SYN3: variants seen among roughly 807,000 people sequenced by gnomAD.
The protein encoded by SYN3 is synapsin-3.
Under a neutral mutation model 65.8 loss-of-function variants are expected in SYN3, and 35 were observed. The ratio of observed to expected loss-of-function variants is 0.53; its 90% CI spans 0.41 to 0.70. The LOEUF is 0.70. Among genes scored for constraint, SYN3 ranks in the 30% least tolerant of loss-of-function variants. SYN3 has a pLI of 0.00. For synonymous variants in SYN3, 270 were observed against 292.9 expected (o/e 0.92, Z 0.80); for missense variants, 680 against 749.0 (o/e 0.91, Z 1.08).
chr22:32,732,652 A>G (rs1181962439), intron 6 of SYN3, among the ~76,000 whole-genome samples: 4 of 152,216 alleles, frequency 2.6e-5, no homozygotes, highest in African/African-American at 9.6e-5. Flanking sequence ...CAGTGTCTAC[A>G]TATCCTATGA....
chr22:32,758,049 A>G lies in SYN3; in HGVS notation c.711+106866T>C, dbSNP rs1292978808. Among the ~76,000 whole-genome samples, 3 of 152,226 alleles carry G rather than the reference A, an allele frequency of 2.0e-5. No individual in the cohort carries two copies. The East Asian group carries it at 5.8e-4, about 29-fold the overall frequency. ...AAAAAACATGTTTGTGCATTTATAC[A>G]CTTGTACTAAGAAAATATTTTCATT... On this transcript the variant is annotated intron_variant, in intron 6 of 13. Transcript: ENST00000358763.
intron 6 of SYN3, among the ~76,000 whole-genome samples, chr22:32,726,069 T>A (rs1264627658): frequency 2.6e-5 from 4 of 152,182 alleles, no homozygotes; most frequent in African/African-American, 9.6e-5. Context: ...AGGTGTGCCA[T>A]GTGAGGTCTA....
At chr22:32,574,261 C>T (rs929016084) in intron 7 of SYN3, among the ~76,000 whole-genome samples, 1 of 152,008 alleles carries the variant, frequency 6.6e-6, no homozygotes, top group Non-Finnish European at 1.5e-5. Flanking sequence ...AGGAGGATCG[C>T]CTGAGGCCAG....
At chr22:32,713,723 C>T (rs1428655261) in intron 6 of SYN3, among the ~76,000 whole-genome samples, 1 of 151,192 alleles carries the variant, frequency 6.6e-6, no homozygotes, top group Admixed American at 6.6e-5. Context: ...CCCAGCTACT[C>T]GGGAGGCTGA....
intron 6 of SYN3, among the ~76,000 whole-genome samples, chr22:32,819,499 T>G (rs1032151062): frequency 6.6e-6 from 1 of 152,228 alleles, no homozygotes; most frequent in Non-Finnish European, 1.5e-5. Context: ...AAGGTCCCAT[T>G]AATACATATG....
chr22:32,898,884 C>T (rs1041327851), intron 4 of SYN3, among the ~76,000 whole-genome samples: 12 of 152,146 alleles, frequency 7.9e-5, no homozygotes, highest in Non-Finnish European at 1.0e-4. Context: ...GGGTGGATCA[C>T]GAGGTCAGGA....
chr22:32,956,337 G>A (rs2051464624), intron 3 of SYN3, among the ~76,000 whole-genome samples: 1 of 151,802 alleles, frequency 6.6e-6, no homozygotes, highest in Non-Finnish European at 1.5e-5. Flanking sequence ...TGTATTTTTA[G>A]TAGAGACAGT....
chr22:32,542,165 CT>C (rs935177819), intron 7 of SYN3, among the ~76,000 whole-genome samples: 1 of 152,096 alleles, frequency 6.6e-6, no homozygotes, highest in Non-Finnish European at 1.5e-5. Context: ...TGGAAAGCCA[CT>C]GGAAGAGGGA....
At chr22:32,792,080 A>G (rs914590524) in intron 6 of SYN3, among the ~76,000 whole-genome samples, 12 of 152,296 alleles carry the variant, frequency 7.9e-5, no homozygotes, top group African/African-American at 2.9e-4. Context: ...AGAATTTACT[A>G]TGTGCCAGGC....
chr22:32,998,562 G>A (rs1427582615), intron 2 of SYN3, among the ~76,000 whole-genome samples: 1 of 152,034 alleles, frequency 6.6e-6, no homozygotes, highest in Non-Finnish European at 1.5e-5. Flanking sequence ...GGCCACCCAG[G>A]GAGGACCGCA....
chr22:32,704,878 A>G (rs1000277985), intron 6 of SYN3, among the ~76,000 whole-genome samples: 2 of 152,092 alleles, frequency 1.3e-5, no homozygotes, highest in Admixed American at 1.3e-4. Context: ...GTATCTGCTC[A>G]TGTCCTTTGC....
Position 32,896,598 on chromosome 22 carries a change from A to G in SYN3, c.462-27473T>C, listed in dbSNP as rs996809487. On this transcript the variant is annotated intron_variant, in intron 4 of 13. Transcript: ENST00000358763. The stretch of plus-strand genomic sequence containing the variant: ...AATATGTTAGTCAAAGAAAGTAGGC[A>G]TTTTGAGGCTAGCCTCAGAATTTGA... Among the ~76,000 whole-genome samples, 4 of 152,274 alleles carry G rather than the reference A, an allele frequency of 2.6e-5. No individual in the cohort carries two copies. In the South Asian group the frequency reaches 8.3e-4, roughly 32 times the overall value.
chr22:32,774,770 T>C (rs569566197), intron 6 of SYN3, among the ~76,000 whole-genome samples: 49 of 152,290 alleles, frequency 3.2e-4, no homozygotes, highest in African/African-American at 1.2e-3. Context: ...AATTTTGTAC[T>C]TTTAGTAGAG....
chr22:32,581,750 C>CT (rs1395134521), intron 7 of SYN3, among the ~76,000 whole-genome samples: 4 of 145,734 alleles, frequency 2.7e-5, no homozygotes, highest in South Asian at 2.2e-4. Flanking sequence ...ATAATTGATT[C>CT]TTTTTTTCTT....
chr22:32,545,345 C>G (rs986435605), intron 7 of SYN3, among the ~76,000 whole-genome samples: 1 of 152,222 alleles, frequency 6.6e-6, no homozygotes, highest in Admixed American at 6.5e-5. Context: ...AATTATTATA[C>G]AAGCCCTAAG....
At chr22:32,887,308 T>A (rs1477388086) in intron 4 of SYN3, among the ~76,000 whole-genome samples, 1 of 151,442 alleles carries the variant, frequency 6.6e-6, no homozygotes, top group African/African-American at 2.4e-5. Flanking sequence ...AGCCCAAGAG[T>A]TTGAGGCTGC....
chr22:32,905,577 A>AATT (rs2049879165), intron 4 of SYN3, among the ~76,000 whole-genome samples: 1 of 152,228 alleles, frequency 6.6e-6, no homozygotes, highest in African/African-American at 2.4e-5. Flanking sequence ...TTTGATTCTC[A>AATT]CAGGCGCATT....
At chr22:32,979,456 T>C (rs896789863) in intron 3 of SYN3, among the ~76,000 whole-genome samples, 1 of 152,230 alleles carries the variant, frequency 6.6e-6, no homozygotes. Context: ...TGTTTTAATA[T>C]TAAGCCAACT....
At chr22:32,515,954 G>A (rs987786119) in intron 13 of SYN3, among the ~76,000 whole-genome samples, 7 of 151,954 alleles carry the variant, frequency 4.6e-5, no homozygotes, top group African/African-American at 1.5e-4. Context: ...GCACGCTGCC[G>A]CGCCTGGCTA....
Sources: allele counts gnomAD v4.1 joint callset (sites outside exome capture counted in the v4.1 genomes callset), GRCh38; gene constraint gnomAD v4.1.1; transcripts MANE v1.5; gene names NCBI Gene and HGNC (gene_info 2026-07-23, HGNC 2026-07-21).